Variants in ZFHX3 observed in about 807,000 individuals in gnomAD.
ZFHX3 encodes zinc finger homeobox protein 3.
Under a neutral mutation model 279.1 loss-of-function variants are expected in ZFHX3, and 42 were observed. The observed-to-expected ratio is 0.15, with a 90% CI of 0.12 to 0.19. The LOEUF is 0.19. ZFHX3 is among the 10% of genes least tolerant of loss of function. The pLI, the probability that ZFHX3 is intolerant of heterozygous loss-of-function variation, is 1.00. For synonymous variants in ZFHX3, 2,293 were observed against 1,957.8 expected (o/e 1.17, Z -4.52); for missense variants, 4,981 against 4,754.0 (o/e 1.05, Z -1.40).
chr16:72,811,680 C>A lies in ZFHX3; in HGVS notation c.3761G>T (p.Cys1254Phe). 1 of 1,614,030 alleles carries A rather than the reference C, an allele frequency of 6.2e-7. No individual in the cohort carries two copies. Among genetic ancestry groups the A allele is most frequent in the Non-Finnish European group, 8.5e-7 (1 of 1,179,990 alleles). ...GTTGAGCATGTCCTGGCACAGGGGG[C>A]AGCGAAGCATGGGTTGCACCGAGTG... Reference protein sequence around the residue: ...TQHSVQPMLRCPLCQDMLNNK... With the variant: ...TQHSVQPMLRFPLCQDMLNNK... Residue 1254 changes from cysteine (C) to phenylalanine (F), a missense_variant, in exon 7 of 10, where the codon TGC becomes TTC. Around this residue, in one of 7 missense-constraint regions of ZFHX3, gnomAD observed 1,751 missense variants for 1,770.0 expected, o/e 0.99. Transcript: ENST00000268489.
At chr16:73,798,469 C>T (rs563224440) in intron 1 of ZFHX3, among the ~76,000 whole-genome samples, 48 of 151,944 alleles carry the variant, frequency 3.2e-4, no homozygotes, top group African/African-American at 1.0e-3. Flanking sequence ...GAGAGATACC[C>T]CCCAAAAAAA....
At chr16:73,281,012 AAGGAG>A (rs771122415) in intron 4 of ZFHX3, among the ~76,000 whole-genome samples, 15 of 92,910 alleles carry the variant, frequency 1.6e-4, no homozygotes, top group Non-Finnish European at 2.6e-4. Flanking sequence ...AATGAAGGGA[AAGGAG>A]AGGAGAGGAG....
rs1555524768 is a variant in ZFHX3, at chr16:73,559,044, T to TGTG, written c.-1546-102787_-1546-102786insCAC. Among the ~76,000 whole-genome samples, 18 of 149,482 alleles carry TGTG rather than the reference T, an allele frequency of 1.2e-4. No individual in the cohort carries two copies. In the South Asian group the frequency reaches 3.0e-3, roughly 25 times the overall value. On this transcript the variant is annotated intron_variant, in intron 2 of 17. Transcript: ENST00000641206. ...CTCTGCTCCTTAAGCACTCCTCTTT[T>TGTG]TGTGTGTGTGTGTGTGTGTGTAGAG... is the stretch of plus-strand genomic sequence containing the variant.
chr16:73,634,673 G>A (rs1030290548), intron 2 of ZFHX3, among the ~76,000 whole-genome samples: 12 of 151,970 alleles, frequency 7.9e-5, no homozygotes, highest in Admixed American at 7.2e-4. Flanking sequence ...ACAGCCAACA[G>A]AAGGGGCCTA....
chr16:73,427,592 G>A (rs1293487917), intron 3 of ZFHX3, among the ~76,000 whole-genome samples: 1 of 152,062 alleles, frequency 6.6e-6, no homozygotes, highest in African/African-American at 2.4e-5. Context: ...GCACGTTGGT[G>A]GTACAAATCC....
rs560973587 is a variant in ZFHX3, at chr16:73,294,904, G to A, written c.-1194+23336C>T. Among the ~76,000 whole-genome samples, 7 of 151,012 alleles carry A rather than the reference G, an allele frequency of 4.6e-5. No homozygotes were observed. In the East Asian group the frequency reaches 1.0e-3, roughly 22 times the overall value. The stretch of plus-strand genomic sequence containing the variant: ...ATTCTTACGGTTTTCTTTCATGGAC[G>A]GATATTAGTCTCAACATCCACAGCC... On this transcript the variant is annotated intron_variant, in intron 4 of 17. Transcript: ENST00000641206.
intron 3 of ZFHX3, among the ~76,000 whole-genome samples, chr16:72,933,146 C>A (rs1268495223): frequency 6.6e-6 from 1 of 152,206 alleles, no homozygotes; most frequent in African/African-American, 2.4e-5. Flanking sequence ...CCAGACACCT[C>A]CTGAATGGTC....
At chr16:73,890,608 A>G (rs1223009174) in intron 1 of ZFHX3, among the ~76,000 whole-genome samples, 3 of 152,172 alleles carry the variant, frequency 2.0e-5, no homozygotes, top group Middle Eastern at 3.4e-3. Context: ...TCTTTTGCAT[A>G]CTCAAACACA....
At chr16:73,092,088 T>A (rs1966091086) in intron 8 of ZFHX3, among the ~76,000 whole-genome samples, 1 of 152,196 alleles carries the variant, frequency 6.6e-6, no homozygotes, top group Non-Finnish European at 1.5e-5. Flanking sequence ...CAGGCTAGTG[T>A]GAATTAAGGA....
chr16:73,025,479 G>A (rs533202974), intron 1 of ZFHX3, among the ~76,000 whole-genome samples: 4 of 152,210 alleles, frequency 2.6e-5, no homozygotes, highest in African/African-American at 7.2e-5. Flanking sequence ...GAGCCCTCAC[G>A]GACTCGATAC....
chr16:72,994,047 G>A (rs1300271556), intron 1 of ZFHX3, among the ~76,000 whole-genome samples: 4 of 151,986 alleles, frequency 2.6e-5, no homozygotes, highest in East Asian at 1.9e-4. Flanking sequence ...ACCTCTCCCC[G>A]CTACAAGCAG....
intron 2 of ZFHX3, among the ~76,000 whole-genome samples, chr16:73,523,960 T>G (rs2143712310): frequency 6.6e-6 from 1 of 152,326 alleles, no homozygotes; most frequent in East Asian, 1.9e-4. Context: ...ATCTGTCATT[T>G]CAGTTTGTAA....
intron 4 of ZFHX3, among the ~76,000 whole-genome samples, chr16:72,873,594 G>A (rs1049446322): frequency 1.3e-5 from 2 of 152,056 alleles, no homozygotes; most frequent in Non-Finnish European, 2.9e-5. Flanking sequence ...TCATATACGA[G>A]GTAGTAATTA....
At chr16:73,813,553 A>C (rs1205365516) in intron 1 of ZFHX3, among the ~76,000 whole-genome samples, 2 of 152,150 alleles carry the variant, frequency 1.3e-5, no homozygotes, top group Admixed American at 1.3e-4. Flanking sequence ...AACAGTGGGC[A>C]TTGCATACCC....
rs373684571 is a variant in ZFHX3 at position 72,798,753 on chromosome 16, G to T, written c.3968-39C>A. The stretch of plus-strand genomic sequence containing the variant: ...AAAAAAAATCAAACCCAAAGATAAA[G>T]AAGGCTTTGTTTCAAGGATGGCACC... On this transcript the variant is annotated intron_variant, in intron 8 of 9. Coordinates refer to ENST00000268489, the MANE Select transcript of ZFHX3 (RefSeq NM_006885.4). 2.1e-4 allele frequency: 311 copies of T among 1,509,588 alleles called. 2 individuals carry two copies. In the African/African-American group the frequency reaches 4.1e-3, roughly 20 times the overall value. 93.5% of individuals were successfully genotyped at this position (1,509,588 alleles called of 1,614,324 possible). A position where few individuals can be genotyped will look rare whatever the true frequency, so the allele number is the denominator to read the frequency against.
At chr16:72,861,769 C>T (rs1049368254) in intron 4 of ZFHX3, among the ~76,000 whole-genome samples, 12 of 152,186 alleles carry the variant, frequency 7.9e-5, no homozygotes, top group African/African-American at 1.7e-4. Context: ...AATCCCAGCA[C>T]TTTGGGAGGC....
intron 3 of ZFHX3, among the ~76,000 whole-genome samples, chr16:73,335,125 CT>C (rs901830801): frequency 6.6e-6 from 1 of 152,064 alleles, no homozygotes; most frequent in Non-Finnish European, 1.5e-5. Context: ...GAGTTTCATT[CT>C]CCTAGGCTAA....
At chr16:73,131,276 A>C (rs750269720) in intron 6 of ZFHX3, among the ~76,000 whole-genome samples, 2 of 152,240 alleles carry the variant, frequency 1.3e-5, no homozygotes, top group African/African-American at 2.4e-5. Context: ...CATTTAAAAA[A>C]AACAACTGCC....
chr16:73,780,077 C>T (rs1464281671), intron 1 of ZFHX3, among the ~76,000 whole-genome samples: 2 of 141,438 alleles, frequency 1.4e-5, no homozygotes, highest in African/African-American at 2.6e-5. Context: ...CCAGGGACTC[C>T]TTCCTGTAAA....
Sources: gnomAD v4.1 joint callset for allele counts (sites outside exome capture counted in the v4.1 genomes callset) on GRCh38, gnomAD v4.1.1 for gene constraint, gnomAD v4.1.1 regional missense constraint, MANE v1.5 for transcripts, NCBI Gene and HGNC (gene_info 2026-07-23, HGNC 2026-07-21) for gene names.